FAM184B: variants seen among roughly 807,000 people sequenced by gnomAD.
FAM184B encodes protein FAM184B.
A neutral mutation model predicts 135.9 loss-of-function variants in FAM184B; 111 were observed. That is an observed-to-expected ratio of 0.82 (90% CI 0.70 to 0.96). The LOEUF (loss-of-function observed/expected upper bound fraction) is 0.96, where lower values mean the gene tolerates loss of function less well. FAM184B is among the 40% of genes least tolerant of loss of function. The probability of loss-of-function intolerance (pLI) is 0.00; values close to 1 mark genes in which losing one functional copy is unlikely to be tolerated. For missense variants in FAM184B, 1,375 were observed against 1,323.9 expected (o/e 1.04, Z -0.60); for synonymous variants, 552 against 524.8 (o/e 1.05, Z -0.71).
chr4:17,744,164 G>A (rs930663342), intron 1 of FAM184B, among the ~76,000 whole-genome samples: 3 of 152,094 alleles, frequency 2.0e-5, no homozygotes, highest in African/African-American at 7.2e-5. Context: ...AGCCAGATCT[G>A]CTTGGCTCAT....
chr4:17,779,869 T>C (rs1041171904), intron 1 of FAM184B, among the ~76,000 whole-genome samples: 1 of 152,254 alleles, frequency 6.6e-6, no homozygotes, highest in Non-Finnish European at 1.5e-5. Flanking sequence ...TCTTTGAAGA[T>C]AGAGAAGATG....
At position 17,630,884 on chromosome 4, in the gene FAM184B, T is replaced by C. The variant is rs1371869207; in HGVS notation, c.*1648A>G. The C allele has an allele frequency of 6.6e-6, 1 of 152,146 alleles. No homozygotes were observed. Among genetic ancestry groups the C allele is most frequent in the African/African-American group, 2.4e-5 (1 of 41,426 alleles). 9.4% of individuals were successfully genotyped at this position (152,146 alleles called of 1,614,324 possible). On this transcript the variant is annotated 3_prime_UTR_variant, in exon 18 of 18. Coordinates refer to ENST00000265018, the MANE Select transcript of FAM184B (RefSeq NM_015688.2). Reference sequence around the variant, plus strand: ...CCTTTCTGTGGAAAATCAATACAAGTCAACCATTTTTATTGCCCAGTTATT... The same window carrying C: ...CCTTTCTGTGGAAAATCAATACAAGCCAACCATTTTTATTGCCCAGTTATT...
intron 8 of FAM184B, among the ~76,000 whole-genome samples, chr4:17,663,154 C>T (rs556603323): frequency 7.9e-5 from 12 of 152,278 alleles, no homozygotes; most frequent in African/African-American, 2.9e-4. Context: ...CCAAGCTGGT[C>T]TTGAACTCTT....
chr4:17,659,108 CT>C (rs111265251), intron 9 of FAM184B, among the ~76,000 whole-genome samples: 15,500 of 142,710 alleles, frequency 0.11, 1,723 homozygotes, highest in African/African-American at 0.3. Flanking sequence ...TATAAAATAT[CT>C]TTTTTTTTTT....
In FAM184B at chr4:17,660,005, G is replaced by A. The variant is rs16895411; in HGVS notation, c.1777C>T (p.Arg593Cys). ...TGGCTTTGCCAGTCCTCCTCTAGAC[G>A]CTGGATTTTGGATGTTTTCTCCTTC... is the stretch of plus-strand genomic sequence containing the variant. Reference protein sequence around the residue: ...LLKEKTSKIQRLEEDWQSQKA... With the variant: ...LLKEKTSKIQCLEEDWQSQKA... Residue 593 changes from arginine (R) to cysteine (C), a missense_variant, in exon 9 of 18, where the codon CGT becomes TGT. Transcript: ENST00000265018. The A allele has an allele frequency of 1.5e-3, 2,279 of 1,551,452 alleles. 28 individuals are homozygous for A. In the African/African-American group the frequency reaches 0.028, roughly 19 times the overall value.
In FAM184B at chr4:17,691,851, G is replaced by A. The variant is rs187633011; in HGVS notation, c.1488+1451C>T. Among the ~76,000 whole-genome samples the A allele has an allele frequency of 5.9e-3, 902 of 152,028 alleles. 8 individuals carry two copies. The highest frequency in any genetic ancestry group is 0.021 in the African/African-American group (871 of 41,466). ...AGGCAGATCACGAGGTCAAGAGACT[G>A]AGACCATCCTGGCCAACATGGTGAA... On this transcript the variant is annotated intron_variant, in intron 6 of 17. Transcript: ENST00000265018.
At chr4:17,735,839 A>G (rs1408453223) in intron 1 of FAM184B, among the ~76,000 whole-genome samples, 2 of 152,204 alleles carry the variant, frequency 1.3e-5, no homozygotes, top group Non-Finnish European at 2.9e-5. Context: ...ACATACACCT[A>G]CACACAGTGC....
chr4:17,704,770 C>T (rs554332057), intron 5 of FAM184B, among the ~76,000 whole-genome samples: 7 of 152,272 alleles, frequency 4.6e-5, no homozygotes, highest in African/African-American at 1.7e-4. Flanking sequence ...TAGGGGTGTC[C>T]CCCATCTCCT....
At chr4:17,774,145 G>A (rs1448738874) in intron 1 of FAM184B, among the ~76,000 whole-genome samples, 1 of 152,176 alleles carries the variant, frequency 6.6e-6, no homozygotes, top group African/African-American at 2.4e-5. Context: ...GGAAGGCTGA[G>A]GTGGGAGGAT....
At chr4:17,672,713 C>A (rs575896693) in intron 7 of FAM184B, among the ~76,000 whole-genome samples, 27 of 152,214 alleles carry the variant, frequency 1.8e-4, no homozygotes, top group Non-Finnish European at 3.7e-4. Context: ...CATCCCTGCA[C>A]CCCTGGTATG....
At chr4:17,707,606 C>T in intron 3 of FAM184B, 43 bp downstream of exon 3, 1 of 1,547,772 alleles carries the variant, frequency 6.5e-7, no homozygotes, top group Non-Finnish European at 8.7e-7. Flanking sequence ...AACCTGGCAG[C>T]TAACCTTGGG....
intron 1 of FAM184B, among the ~76,000 whole-genome samples, chr4:17,723,283 T>C (rs1324005459): frequency 6.6e-6 from 1 of 152,240 alleles, no homozygotes; most frequent in Non-Finnish European, 1.5e-5. Flanking sequence ...TTCTAGTTCA[T>C]TTATTGTAGC....
intron 1 of FAM184B, among the ~76,000 whole-genome samples, chr4:17,738,356 A>C (rs1717954390): frequency 6.6e-6 from 1 of 152,062 alleles, no homozygotes; most frequent in East Asian, 1.9e-4. Flanking sequence ...TGAGTTGGAG[A>C]GAGAGTTAAA....
intron 5 of FAM184B, among the ~76,000 whole-genome samples, chr4:17,701,517 T>C (rs1443150329): frequency 6.6e-6 from 1 of 152,216 alleles, no homozygotes; most frequent in Admixed American, 6.5e-5. Context: ...CCCTTCCATT[T>C]GGATGTTTGA....
chr4:17,746,387 G>T (rs1476364747), intron 1 of FAM184B, among the ~76,000 whole-genome samples: 1 of 152,050 alleles, frequency 6.6e-6, no homozygotes, highest in Non-Finnish European at 1.5e-5. Flanking sequence ...TTAGCCAATG[G>T]TTCTTCTACT....
At chr4:17,762,548 A>G (rs1233409232) in intron 1 of FAM184B, among the ~76,000 whole-genome samples, 1 of 152,158 alleles carries the variant, frequency 6.6e-6, no homozygotes. Flanking sequence ...TCACTAAACC[A>G]CACAAGTACA....
chr4:17,708,876 A>G lies in FAM184B; in HGVS notation c.894+16T>C. ...GATTTATCCCTTTGGGGTTGTAAGA[A>G]GAGATGCTGCTTTACCTGAATCCTC... On this transcript the variant is annotated intron_variant, in intron 2 of 17. Transcript: ENST00000265018. 1 of 1,484,282 alleles carries G rather than the reference A, an allele frequency of 6.7e-7. No individual in the cohort carries two copies. The highest frequency in any genetic ancestry group is 1.4e-5 in the South Asian group (1 of 72,172). 91.9% of individuals were successfully genotyped at this position (1,484,282 alleles called of 1,614,324 possible). A position where few individuals can be genotyped will look rare whatever the true frequency, so the allele number is the denominator to read the frequency against.
intron 5 of FAM184B, among the ~76,000 whole-genome samples, chr4:17,701,395 A>C (rs1040192788): frequency 3.3e-5 from 5 of 152,224 alleles, no homozygotes; most frequent in African/African-American, 1.2e-4. Flanking sequence ...CAAGTTACTT[A>C]ATTTCCCAAG....
At chr4:17,720,893 A>C (rs1717508121) in intron 1 of FAM184B, among the ~76,000 whole-genome samples, 1 of 151,464 alleles carries the variant, frequency 6.6e-6, no homozygotes, top group Non-Finnish European at 1.5e-5. Flanking sequence ...TAAAAAAAAA[A>C]AAAAAAAAAG....
Sources: gnomAD v4.1 joint callset for allele counts (sites outside exome capture counted in the v4.1 genomes callset) on GRCh38, gnomAD v4.1.1 for gene constraint, MANE v1.5 for transcripts, NCBI Gene and HGNC (gene_info 2026-07-23, HGNC 2026-07-21) for gene names.